The following ARFIP1 variants were observed in gnomAD, a reference collection of about 807,000 sequenced individuals.
ARFIP1 encodes the protein arfaptin-1.
A neutral mutation model predicts 42.5 loss-of-function variants in ARFIP1; 24 were observed. The ratio of observed to expected loss-of-function variants is 0.57; its 90% CI spans 0.41 to 0.80. ARFIP1 has a LOEUF of 0.80. ARFIP1 is among the 30% of genes least tolerant of loss of function. The probability of loss-of-function intolerance (pLI) is 0.00; values close to 1 mark genes in which losing one functional copy is unlikely to be tolerated. For missense variants in ARFIP1, 354 were observed against 434.0 expected, an observed-to-expected ratio of 0.82 and a Z score of 1.64; for synonymous variants, 141 against 153.7, an observed-to-expected ratio of 0.92 and a Z score of 0.61.
intron 2 of ARFIP1, among the ~76,000 whole-genome samples, chr4:152,851,972 C>T (rs886173179): frequency 2.0e-5 from 3 of 152,002 alleles, no homozygotes; most frequent in African/African-American, 7.2e-5. Context: ...TTTAAAAGTA[C>T]CTAAAATGTA....
chr4:152,804,574 AG>A (rs1450247102), intron 1 of ARFIP1, among the ~76,000 whole-genome samples: 2 of 144,386 alleles, frequency 1.4e-5, no homozygotes, highest in Non-Finnish European at 3.0e-5. Flanking sequence ...TGTAATATAA[AG>A]ATTAAAAACT....
At chr4:152,885,862 A>G (rs1228932851) in intron 7 of ARFIP1, among the ~76,000 whole-genome samples, 3 of 151,964 alleles carry the variant, frequency 2.0e-5, no homozygotes, top group African/African-American at 7.2e-5. Flanking sequence ...TTTGGCCATA[A>G]TAATAAGCAT....
intron 7 of ARFIP1, among the ~76,000 whole-genome samples, chr4:152,887,377 T>C (rs527957517): frequency 6.6e-5 from 10 of 152,124 alleles, no homozygotes; most frequent in Non-Finnish European, 7.4e-5. Flanking sequence ...AATACTGATG[T>C]TACAGAAATT....
At chr4:152,846,945 G>C (rs1336316709) in intron 2 of ARFIP1, among the ~76,000 whole-genome samples, 1 of 150,920 alleles carries the variant, frequency 6.6e-6, no homozygotes, top group East Asian at 1.9e-4. Flanking sequence ...GTTCTTGTTT[G>C]TGTTTCTCAT....
chr4:152,862,633 A>ACTAG (rs1194888104), intron 2 of ARFIP1, among the ~76,000 whole-genome samples: 1 of 152,230 alleles, frequency 6.6e-6, no homozygotes, highest in East Asian at 1.9e-4. Flanking sequence ...AATTTAGCTT[A>ACTAG]CTAGCTGTGT....
At chr4:152,900,567 T>C (rs981519467) in intron 8 of ARFIP1, among the ~76,000 whole-genome samples, 2 of 152,172 alleles carry the variant, frequency 1.3e-5, no homozygotes, top group African/African-American at 4.8e-5. Flanking sequence ...ATTTTTATAG[T>C]GTTTCTCTTT....
intron 1 of ARFIP1, among the ~76,000 whole-genome samples, chr4:152,785,990 A>C (rs996032836): frequency 6.6e-6 from 1 of 152,212 alleles, no homozygotes; most frequent in Non-Finnish European, 1.5e-5. Flanking sequence ...GATGTGATAC[A>C]TAATTCCTAT....
intron 8 of ARFIP1, among the ~76,000 whole-genome samples, chr4:152,902,280 T>C (rs1286049665): frequency 6.6e-6 from 1 of 152,188 alleles, no homozygotes; most frequent in Non-Finnish European, 1.5e-5. Flanking sequence ...GGTGGGAGGA[T>C]CACTTGAGGC....
intron 8 of ARFIP1, among the ~76,000 whole-genome samples, chr4:152,901,628 A>G (rs1321221414): frequency 6.6e-6 from 1 of 152,182 alleles, no homozygotes; most frequent in Non-Finnish European, 1.5e-5. Flanking sequence ...ATTTGCCGCC[A>G]TTCCATTATA....
At chr4:152,814,611 G>A (rs1211939521) in intron 1 of ARFIP1, among the ~76,000 whole-genome samples, 1 of 152,186 alleles carries the variant, frequency 6.6e-6, no homozygotes. Context: ...GATTGCCTGA[G>A]CTTGAACAGT....
intron 8 of ARFIP1, among the ~76,000 whole-genome samples, chr4:152,901,075 A>G (rs1316693512): frequency 6.6e-6 from 1 of 152,272 alleles, no homozygotes; most frequent in Non-Finnish European, 1.5e-5. Flanking sequence ...CAACCTAAAT[A>G]TATGAAGACT....
intron 8 of ARFIP1, among the ~76,000 whole-genome samples, chr4:152,907,118 C>A (rs1738425426): frequency 6.6e-6 from 1 of 152,144 alleles, no homozygotes; most frequent in South Asian, 2.1e-4. Flanking sequence ...ACATAAACTT[C>A]TTTTGAGAAG....
chr4:152,905,787 A>G (rs370307228), intron 8 of ARFIP1, among the ~76,000 whole-genome samples: 21 of 151,970 alleles, frequency 1.4e-4, no homozygotes, highest in Non-Finnish European at 2.7e-4. Context: ...TCCTGACCTC[A>G]GGTGATCCAC....
chr4:152,781,422 A>C (rs1180231150), intron 1 of ARFIP1, among the ~76,000 whole-genome samples: 1 of 151,908 alleles, frequency 6.6e-6, no homozygotes, highest in Non-Finnish European at 1.5e-5. Context: ...TTTTTAGTAG[A>C]GACGGGGTTT....
At chr4:152,900,841 T>C (rs1271344967) in intron 8 of ARFIP1, among the ~76,000 whole-genome samples, 1 of 152,226 alleles carries the variant, frequency 6.6e-6, no homozygotes, top group Non-Finnish European at 1.5e-5. Context: ...TACACTTTTT[T>C]CTTACACACC....
intron 2 of ARFIP1, among the ~76,000 whole-genome samples, chr4:152,848,342 G>A (rs142041088): frequency 3.2e-4 from 48 of 152,262 alleles, no homozygotes; most frequent in African/African-American, 1.1e-3. Context: ...GTTTATTCAC[G>A]TAAGAACGAG....
At chr4:152,829,100 C>T (rs1466459071) in intron 1 of ARFIP1, among the ~76,000 whole-genome samples, 1 of 152,194 alleles carries the variant, frequency 6.6e-6, no homozygotes, top group East Asian at 1.9e-4. Context: ...ACCAATACCA[C>T]ATTGTCTTGA....
intron 1 of ARFIP1, among the ~76,000 whole-genome samples, chr4:152,786,921 A>G (rs1273853059): frequency 6.6e-6 from 1 of 152,166 alleles, no homozygotes; most frequent in African/African-American, 2.4e-5. Context: ...GTTCCTAGTC[A>G]TCCTTCACAC....
intron 3 of ARFIP1, among the ~76,000 whole-genome samples, 157 bp downstream of exon 3, chr4:152,863,871 T>C (rs899442492): frequency 4.6e-5 from 7 of 152,308 alleles, no homozygotes; most frequent in East Asian, 3.9e-4. Flanking sequence ...ATTTAAGTAA[T>C]AGAATTATTT....
Sources: gnomAD v4.1 joint callset for allele counts (sites outside exome capture counted in the v4.1 genomes callset) on GRCh38, gnomAD v4.1.1 for gene constraint, MANE v1.5 for transcripts, NCBI Gene and HGNC (gene_info 2026-07-23, HGNC 2026-07-21) for gene names.